ANXA1: variants seen among roughly 807,000 people sequenced by gnomAD.
ANXA1 encodes the protein annexin I (lipocortin I).
A neutral mutation model predicts 47.9 loss-of-function variants in ANXA1; 39 were observed. That is an observed-to-expected ratio of 0.81 (90% CI 0.63 to 1.06). The LOEUF (loss-of-function observed/expected upper bound fraction) is 1.06. ANXA1 is among the 50% of genes least tolerant of loss of function. ANXA1 has a pLI of 0.00. For synonymous variants in ANXA1, 146 were observed against 142.5 expected, an observed-to-expected ratio of 1.02 and a Z score of -0.17; for missense variants, 446 against 422.7, an observed-to-expected ratio of 1.06 and a Z score of -0.48.
At chr9:73,154,498 C>A (rs1371741179) in intron 1 of ANXA1, among the ~76,000 whole-genome samples, 1 of 152,016 alleles carries the variant, frequency 6.6e-6, no homozygotes, top group African/African-American at 2.4e-5. Flanking sequence ...TGTAGTGGTA[C>A]AATCTCGGCT....
chr9:73,158,690 C>A lies in ANXA1; in HGVS notation c.67-5C>A, dbSNP rs1006343430. The stretch of plus-strand genomic sequence containing the variant: ...GCCATTAATTTATTTCTCTCTCATT[C>A]TTAGCAAACTGTGAAGTCATCCAAA... On this transcript the variant is annotated splice_region_variant and splice_polypyrimidine_tract_variant and intron_variant, in intron 2 of 12. Coordinates refer to ENST00000257497, the MANE Select transcript of ANXA1 (RefSeq NM_000700.3). The A allele has an allele frequency of 2.9e-5, 46 of 1,613,502 alleles. No individual in the cohort carries two copies. Among genetic ancestry groups the A allele is most frequent in the Non-Finnish European group, 3.8e-5 (45 of 1,179,720 alleles).
rs1824284958 is a variant in ANXA1 at position 73,169,246 on chromosome 9, A to C, written c.984+92A>C. On this transcript the variant is annotated intron_variant, in intron 12 of 12. Transcript: ENST00000257497. ...AAGAGTTGACTTATTGTATCTATAA[A>C]TTTAATATGTAAGATTAATTTAATA... 5.9e-6 allele frequency: 8 copies of C among 1,344,556 alleles called. No individual in the cohort carries two copies. The South Asian group carries it at 1.1e-4, about 19-fold the overall frequency. The allele number at this position is 1,344,556 out of a possible 1,614,324, so 83.3% of individuals were successfully genotyped here. A position where few individuals can be genotyped will look rare whatever the true frequency, so the allele number is the denominator to read the frequency against.
In ANXA1 at chr9:73,167,484, T is replaced by C. The variant is rs2118177052; in HGVS notation, c.803-13T>C. On this transcript the variant is annotated splice_polypyrimidine_tract_variant and intron_variant, in intron 10 of 12. Transcript: ENST00000257497. The stretch of plus-strand genomic sequence containing the variant: ...ATGGTAAATACATCAACTAAAATTT[T>C]CTTCTCTAACAGTGAAGTGCGCCAC... 1.2e-6 allele frequency: 2 copies of C among 1,608,828 alleles called. No homozygotes were observed. The highest frequency in any genetic ancestry group is 1.7e-6 in the Non-Finnish European group (2 of 1,178,080).
intron 1 of ANXA1, among the ~76,000 whole-genome samples, chr9:73,154,699 A>G (rs981733258): frequency 1.3e-5 from 2 of 152,194 alleles, no homozygotes; most frequent in Non-Finnish European, 2.9e-5. Flanking sequence ...TTGGCCTCCT[A>G]AATTGCTGGG....
chr9:73,160,213 C>T, intron 4 of ANXA1, 50 bp from the exon 5 acceptor site: 3 of 1,326,398 alleles, frequency 2.3e-6, no homozygotes, highest in Non-Finnish European at 3.1e-6. Context: ...CATTTTTTAA[C>T]CTAGCATGTT....
intron 8 of ANXA1, 77 bp downstream of exon 8, chr9:73,163,609 A>C (rs1442774028): frequency 7.0e-7 from 1 of 1,438,816 alleles, no homozygotes; most frequent in African/African-American, 1.4e-5. Context: ...TCCCCTGTGA[A>C]AGCAAATCTA....
chr9:73,156,235 ATT>A (rs914246655), intron 1 of ANXA1, among the ~76,000 whole-genome samples: 3 of 151,610 alleles, frequency 2.0e-5, no homozygotes, highest in African/African-American at 7.3e-5. Flanking sequence ...CAAGTGATGA[ATT>A]TTAACACTCA....
chr9:73,161,030 A>T, intron 6 of ANXA1, 137 bp downstream of exon 6: 1 of 607,934 alleles, frequency 1.6e-6, no homozygotes, highest in South Asian at 2.6e-5. Flanking sequence ...ATTGTTTGGC[A>T]CATGTCTATT....
In ANXA1 at chr9:73,167,491, T is replaced by C. The variant is rs375251312; in HGVS notation, c.803-6T>C. 4.3e-5 allele frequency: 70 copies of C among 1,612,144 alleles called. No individual in the cohort carries two copies. The highest frequency in any genetic ancestry group is 6.7e-5 in the African/African-American group (5 of 74,806). On this transcript the variant is annotated splice_region_variant and splice_polypyrimidine_tract_variant and intron_variant, in intron 10 of 12. Coordinates refer to ENST00000257497, the MANE Select transcript of ANXA1 (RefSeq NM_000700.3). ...ATACATCAACTAAAATTTTCTTCTC[T>C]AACAGTGAAGTGCGCCACAAGCAAA...
intron 9 of ANXA1, chr9:73,165,686 A>C (rs1824217201): frequency 5.9e-6 from 1 of 169,986 alleles, no homozygotes; most frequent in Non-Finnish European, 1.3e-5. Context: ...GCGATGGAAA[A>C]GTTATGACAA....
rs77019505 is a variant in ANXA1 at position 73,156,540 on chromosome 9, A to G, written c.-14-1982A>G. On this transcript the variant is annotated intron_variant, in intron 1 of 12. Coordinates refer to ENST00000257497, the MANE Select transcript of ANXA1 (RefSeq NM_000700.3). Reference sequence around the variant, plus strand: ...GAAAAAGTATTGGTTCTTCTCACAGATGACAGAATAGTAATAAGAGCAATC... The same window carrying G: ...GAAAAAGTATTGGTTCTTCTCACAGGTGACAGAATAGTAATAAGAGCAATC... Among the ~76,000 whole-genome samples, 133 of 152,336 alleles carry G rather than the reference A, an allele frequency of 8.7e-4. 1 individual carries two copies. In the East Asian group the frequency reaches 0.024, roughly 27 times the overall value.
chr9:73,163,792 A>T (rs773603747), intron 8 of ANXA1, among the ~76,000 whole-genome samples: 1 of 152,202 alleles, frequency 6.6e-6, no homozygotes, highest in Non-Finnish European at 1.5e-5. Context: ...GTCATTCCCA[A>T]GAATTGTTTG....
In ANXA1 at chr9:73,160,461, A is replaced by C. The variant is rs553685193; in HGVS notation, c.384+85A>C. 1.9e-4 allele frequency: 163 copies of C among 874,314 alleles called. 1 individual carries two copies. Among genetic ancestry groups the C allele is most frequent in the Admixed American group, 8.2e-4 (29 of 35,322 alleles). The allele number at this position is 874,314 out of a possible 1,614,324, so 54.2% of individuals were successfully genotyped here. A position where few individuals can be genotyped will look rare whatever the true frequency, so the allele number is the denominator to read the frequency against. On this transcript the variant is annotated intron_variant, in intron 5 of 12. Coordinates refer to ENST00000257497, the MANE Select transcript of ANXA1 (RefSeq NM_000700.3). ...TATGCTTATGTTATTTTCAAAATCT[A>C]GTATAGTACCTGTCAATCAGTGGGA... is the stretch of plus-strand genomic sequence containing the variant.
At chr9:73,170,002 G>C (rs1297084266) in intron 12 of ANXA1, 49 bp from the exon 13 acceptor site, 1 of 1,399,296 alleles carries the variant, frequency 7.1e-7, no homozygotes, top group Non-Finnish European at 9.9e-7. Context: ...AAAAAATAGA[G>C]AATTATGGTT....
intron 1 of ANXA1, chr9:73,157,564 G>A (rs993787861): frequency 6.9e-6 from 1 of 144,730 alleles, no homozygotes; most frequent in Non-Finnish European, 1.5e-5. Context: ...TGAGGCAGGA[G>A]AATTGCTTGA....
intron 8 of ANXA1, among the ~76,000 whole-genome samples, chr9:73,164,362 T>G (rs1292972837): frequency 6.6e-6 from 1 of 152,160 alleles, no homozygotes; most frequent in African/African-American, 2.4e-5. Flanking sequence ...GAAGGTTTTA[T>G]CATTTTAATA....
In ANXA1 at chr9:73,162,784, C is replaced by A. The variant is rs767743802; in HGVS notation, c.478C>A (p.Leu160Met). The A allele has an allele frequency of 2.0e-5, 33 of 1,610,740 alleles. No individual in the cohort carries two copies. Among genetic ancestry groups the A allele is most frequent in the Non-Finnish European group, 2.8e-5 (33 of 1,178,122 alleles). The change falls in exon 7 of 13, where the codon CTG becomes ATG. Residue 160 changes from leucine (L) to methionine (M), a missense_variant and splice_region_variant. Physicochemically the swap from Leu to Met is conservative, Grantham distance 15. Coordinates refer to ENST00000257497, the MANE Select transcript of ANXA1 (RefSeq NM_000700.3). ...AATCTATTTTTCTTTTTTCTCAGAA[C>A]TGAAGAGAGATCTGGCCAAAGACAT... is the stretch of plus-strand genomic sequence containing the variant. ...RDINRVYREE[L>M]KRDLAKDITS... is the part of the protein sequence containing the mutation.
In ANXA1 at chr9:73,163,465, A is replaced by G. The variant is rs2118161226; in HGVS notation, c.556-11A>G. 1 of 1,612,334 alleles carries G rather than the reference A, an allele frequency of 6.2e-7. No individual in the cohort carries two copies. The highest frequency in any genetic ancestry group is 1.1e-5 in the South Asian group (1 of 91,026). On this transcript the variant is annotated splice_polypyrimidine_tract_variant and intron_variant, in intron 7 of 12. Transcript: ENST00000257497. ...AGAGAAGAGCTTACAATAGAATGGG[A>G]TTTCTTTCAGGGTGACCGATCTGAG...
intron 4 of ANXA1, 24 bp downstream of exon 4, chr9:73,159,447 A>G (rs1170827794): frequency 1.3e-6 from 2 of 1,592,824 alleles, no homozygotes; most frequent in South Asian, 1.1e-5. Flanking sequence ...GTAAATTTAG[A>G]TATTTAATTT....
Sources: gnomAD v4.1 joint callset for allele counts (sites outside exome capture counted in the v4.1 genomes callset) on GRCh38, gnomAD v4.1.1 for gene constraint, MANE v1.5 for transcripts, NCBI Gene and HGNC (gene_info 2026-07-23, HGNC 2026-07-21) for gene names.